PRX: variants seen among roughly 807,000 people sequenced by gnomAD.
PRX encodes periaxin.
PRX carries 24 observed loss-of-function variants against 29.6 expected under a neutral mutation model. The ratio of observed to expected loss-of-function variants is 0.81; its 90% CI spans 0.59 to 1.14. PRX has a LOEUF of 1.14. Among genes scored for constraint, PRX ranks in the 50% most tolerant of loss-of-function variants. The probability of loss-of-function intolerance (pLI) is 0.00; values close to 1 mark genes in which losing one functional copy is unlikely to be tolerated. For missense variants in PRX, 1,838 were observed against 1,926.4 expected, an observed-to-expected ratio of 0.95 and a Z score of 0.86; for synonymous variants, 772 against 831.7, an observed-to-expected ratio of 0.93 and a Z score of 1.24.
Position 40,395,407 on chromosome 19 carries a change from TC to T in PRX, c.2944del (p.Glu982ArgfsTer26). 1 of 1,613,854 alleles carries T rather than the reference TC, an allele frequency of 6.2e-7. No homozygotes were observed. The highest frequency in any genetic ancestry group is 8.5e-7 in the Non-Finnish European group (1 of 1,179,986). ...GAEAEAKGAG[E>X]AGLLPALDLS... ...ATCGAGGGCAGGCAGCAGGCCTGCC[TC>T]CCCAGCCCCTTTGGCCTCAGCCTCA... On this transcript the variant is annotated frameshift_variant, in exon 7 of 7. Transcript: ENST00000324001. LOFTEE classifies it low-confidence loss of function (END_TRUNC).
chr19:40,407,963 C>A lies in PRX; in HGVS notation c.-31G>T. On this transcript the variant is annotated 5_prime_UTR_variant, in exon 4 of 7. Coordinates refer to ENST00000324001, the MANE Select transcript of PRX (RefSeq NM_181882.3). ...TGCTGGGAGGCACCTGCACCCCAGG[C>A]TCCTGTGTCCTCTCCCCTTTCTGCT... is the stretch of plus-strand genomic sequence containing the variant. 6.2e-7 allele frequency: 1 copy of A among 1,613,592 alleles called. No individual in the cohort carries two copies. The highest frequency in any genetic ancestry group is 8.5e-7 in the Non-Finnish European group (1 of 1,180,006).
chr19:40,404,199 G>T (rs918441191), intron 4 of PRX, among the ~76,000 whole-genome samples: 4 of 152,198 alleles, frequency 2.6e-5, no homozygotes, highest in African/African-American at 4.8e-5. Context: ...TCCCCTTTAA[G>T]CAAGCCTGAG....
chr19:40,399,164 C>A (rs964565934), intron 5 of PRX, among the ~76,000 whole-genome samples: 3 of 152,030 alleles, frequency 2.0e-5, no homozygotes, highest in African/African-American at 7.2e-5. Flanking sequence ...CTTTCTCCTG[C>A]GGCGACTTAC....
intron 4 of PRX, 95 bp from the exon 5 acceptor site, chr19:40,403,957 ATGTT>A: frequency 3.0e-6 from 4 of 1,355,458 alleles, no homozygotes; most frequent in African/African-American, 1.5e-5. Flanking sequence ...ATACATATAT[ATGTT>A]TATATATATT....
Position 40,407,889 on chromosome 19 carries a change from GA to G in PRX, c.27+16del. 1 of 1,613,186 alleles carries G rather than the reference GA, an allele frequency of 6.2e-7. No homozygotes were observed. The stretch of plus-strand genomic sequence containing the variant: ...CATTGCCCTCAAGTGCGCCTTGCAG[GA>G]CACGTGGGCACTCACCTCGGCACTC... On this transcript the variant is annotated intron_variant, in intron 4 of 6. Coordinates refer to ENST00000324001, the MANE Select transcript of PRX (RefSeq NM_181882.3).
chr19:40,404,144 C>G (rs553524407), intron 4 of PRX, among the ~76,000 whole-genome samples: 236 of 152,304 alleles, frequency 1.5e-3, no homozygotes, highest in Non-Finnish European at 2.6e-3. Context: ...ACACGCCCCT[C>G]GGCGCTGCCC....
In PRX at chr19:40,408,240, C is replaced by G. The variant is rs1381516348; in HGVS notation, c.-182G>C. 1 of 529,720 alleles carries G rather than the reference C, an allele frequency of 1.9e-6. No homozygotes were observed. The highest frequency in any genetic ancestry group is 3.4e-6 in the Non-Finnish European group (1 of 292,554). The allele number at this position is 529,720 out of a possible 1,614,324, so 32.8% of individuals were successfully genotyped here. On this transcript the variant is annotated 5_prime_UTR_variant, in exon 3 of 7. Coordinates refer to ENST00000324001, the MANE Select transcript of PRX (RefSeq NM_181882.3). ...GCTGTCTGCAGGGCTCACGCCCTTCCGTGGGGTTCTTGCTGCCTGCCAGGG... is the reference window on the plus strand; with the variant it reads ...GCTGTCTGCAGGGCTCACGCCCTTCGGTGGGGTTCTTGCTGCCTGCCAGGG...
rs1160758037 is a variant in PRX at position 40,395,822 on chromosome 19, C to T, written c.2530G>A (p.Glu844Lys). Residue 844 changes from glutamate (E) to lysine (K), a missense_variant, in exon 7 of 7, where the codon GAG (glutamate) becomes AAG (lysine). Physicochemically the swap from Glu to Lys is moderately conservative, Grantham distance 56. Coordinates refer to ENST00000324001, the MANE Select transcript of PRX (RefSeq NM_181882.3). ...LPCLQPEVDG[E>K]AHVGVPSLTL... ...AGAGAGGGGACACCCACATGAGCCT[C>T]ACCATCCACCTCTGGCTGCAGACAG... is the stretch of plus-strand genomic sequence containing the variant. 2 of 1,614,104 alleles carry T rather than the reference C, an allele frequency of 1.2e-6. No individual in the cohort carries two copies. The highest frequency in any genetic ancestry group is 8.5e-7 in the Non-Finnish European group (1 of 1,180,062).
intron 4 of PRX, among the ~76,000 whole-genome samples, chr19:40,406,510 G>T (rs1464287001): frequency 6.6e-6 from 1 of 152,134 alleles, no homozygotes; most frequent in African/African-American, 2.4e-5. Context: ...CCTTAGGTCT[G>T]TGACCCCAGA....
rs188152716 is a variant in PRX at position 40,411,758 on chromosome 19, G to C, written c.-243+1580C>G. 5.2e-3 allele frequency among the ~76,000 whole-genome samples: 789 copies of C among 151,760 alleles called. 5 individuals carry two copies. The highest frequency in any genetic ancestry group is 0.018 in the African/African-American group (747 of 41,038). ...TGCCTATCCCACTAGGCAGGGGAAA[G>C]AGGGGTGGGGAGGCTCCTGGGGAGG... On this transcript the variant is annotated intron_variant, in intron 1 of 6. Transcript: ENST00000324001.
chr19:40,413,148 A>G (rs1599669019), intron 1 of PRX, among the ~76,000 whole-genome samples, 190 bp downstream of exon 1: 1 of 152,312 alleles, frequency 6.6e-6, no homozygotes, highest in Middle Eastern at 3.4e-3. Context: ...TATCTTGCCC[A>G]AGGCTGCACA....
intron 4 of PRX, among the ~76,000 whole-genome samples, chr19:40,406,732 A>T (rs2079532380): frequency 6.6e-6 from 1 of 151,630 alleles, no homozygotes; most frequent in Non-Finnish European, 1.5e-5. Flanking sequence ...AAATGGCTCA[A>T]GCGGGAGTTC....
At chr19:40,409,373 C>T (rs568231904) in intron 1 of PRX, among the ~76,000 whole-genome samples, 4 of 152,094 alleles carry the variant, frequency 2.6e-5, no homozygotes, top group Admixed American at 2.0e-4. Context: ...GCTTTTACCT[C>T]GCAGGGCTGT....
rs142723812 is a variant in PRX at position 40,396,561 on chromosome 19, C to G, written c.1791G>C (p.Glu597Asp). ...LPKVPEMKLPEMKLPEVQLPK... is the reference protein window; with the variant it reads ...LPKVPEMKLPDMKLPEVQLPK... The stretch of plus-strand genomic sequence containing the variant: ...GGAGTTGCACTTCAGGGAGTTTCAT[C>G]TCAGGAAGTTTCATCTCAGGCACCT... The change falls in exon 7 of 7, where the codon GAG becomes GAC. Residue 597 changes from glutamate to aspartate, a missense_variant. This residue lies in a region of PRX where 1,143 missense variants were observed against 1,193.0 expected (regional missense o/e 0.96). Transcript: ENST00000324001. 7 of 1,613,770 alleles carry G rather than the reference C, an allele frequency of 4.3e-6. No individual in the cohort carries two copies. In the African/African-American group the frequency reaches 9.4e-5, roughly 22 times the overall value.
intron 4 of PRX, 34 bp downstream of exon 4, chr19:40,407,872 T>C: frequency 6.2e-7 from 1 of 1,612,294 alleles, no homozygotes; most frequent in Non-Finnish European, 8.5e-7. Context: ...CCCATTGCCC[T>C]CAAGTGCGCC....
Position 40,398,813 on chromosome 19 carries a change from T to C in PRX, c.188A>G (p.Asp63Gly). 6.2e-7 allele frequency: 1 copy of C among 1,613,924 alleles called. No homozygotes were observed. The highest frequency in any genetic ancestry group is 8.5e-7 in the Non-Finnish European group (1 of 1,179,928). ...GAACACTCGGGCACTCAGCAGCTGG[T>C]CCCCTGCGGGCGAGGTGGAGGTGCG... ...AARSLSLQEGDQLLSARVFFE... is the reference protein window; with the variant it reads ...AARSLSLQEGGQLLSARVFFE... The change falls in exon 6 of 7, where the codon GAC (aspartate) becomes GGC (glycine). Residue 63 changes from aspartate to glycine, a missense_variant. Physicochemically the swap from Asp to Gly is moderately conservative, Grantham distance 94. Transcript: ENST00000324001. This position sits in a 1 kb window ranked among gnomAD's most constrained non-coding sequence, Gnocchi z 6.3.
Position 40,397,363 on chromosome 19 carries a change from G to A in PRX, c.989C>T (p.Ala330Val). 6.2e-7 allele frequency: 1 copy of A among 1,612,676 alleles called. No individual in the cohort carries two copies. Among genetic ancestry groups the A allele is most frequent in the Non-Finnish European group, 8.5e-7 (1 of 1,179,872 alleles). The change falls in exon 7 of 7, where the codon GCA becomes GTA. Residue 330 changes from alanine to valine, a missense_variant. This residue lies in a region of PRX where 666 missense variants were observed against 665.0 expected (regional missense o/e 1.00). Coordinates refer to ENST00000324001, the MANE Select transcript of PRX (RefSeq NM_181882.3). Reference sequence around the variant, plus strand: ...GGCCAGGTCCACCCCCACAGTCGGTGCTGCCACATCCAGGGTGGGCACCAC... The same window carrying A: ...GGCCAGGTCCACCCCCACAGTCGGTACTGCCACATCCAGGGTGGGCACCAC... ...SVVVPTLDVA[A>V]PTVGVDLALP...
At chr19:40,406,943 T>G (rs2079533813) in intron 4 of PRX, among the ~76,000 whole-genome samples, 1 of 151,752 alleles carries the variant, frequency 6.6e-6, no homozygotes, top group African/African-American at 2.4e-5. Context: ...CCGGCTAATT[T>G]TTGTATTTTT....
In PRX at chr19:40,394,265, T is replaced by G; in HGVS notation, c.4087A>C (p.Ser1363Arg). The change falls in exon 7 of 7, where the codon AGT becomes CGT. Residue 1363 changes from serine to arginine, a missense_variant. Around this residue, in one of 3 missense-constraint regions of PRX, gnomAD observed 1,143 missense variants for 1,193.0 expected, o/e 0.96. Coordinates refer to ENST00000324001, the MANE Select transcript of PRX (RefSeq NM_181882.3). The surrounding 1 kb of genome is among the most constrained non-coding windows in gnomAD (Gnocchi z 5.8). ...EEEEEEEEEG[S>R]GEGASGRRGR... is the part of the protein sequence containing the mutation. ...CGGCGACCCGAGGCCCCTTCCCCAC[T>G]GCCCTCTTCCTCCTCCTCCTCCTCC... 8 of 1,611,570 alleles carry G rather than the reference T, an allele frequency of 5.0e-6. No individual in the cohort carries two copies. Among genetic ancestry groups the G allele is most frequent in the Non-Finnish European group, 6.8e-6 (8 of 1,178,488 alleles).
Sources: allele counts gnomAD v4.1 joint callset (sites outside exome capture counted in the v4.1 genomes callset), GRCh38; gene constraint gnomAD v4.1.1; regional missense constraint gnomAD v4.1.1; non-coding constraint Gnocchi (gnomAD v3.1); transcripts MANE v1.5; gene names NCBI Gene and HGNC (gene_info 2026-07-23, HGNC 2026-07-21).